GFM2: variants seen among roughly 807,000 people sequenced by gnomAD.
GFM2 encodes ribosome-releasing factor 2, mitochondrial.
GFM2 carries 72 observed loss-of-function variants against 95.4 expected under a neutral mutation model. The ratio of observed to expected loss-of-function variants is 0.76; its 90% confidence interval spans 0.62 to 0.92. The LOEUF (loss-of-function observed/expected upper bound fraction) is 0.92. Ranked by LOEUF, GFM2 falls within the 40% of genes least tolerant of loss-of-function variation. GFM2 has a pLI of 0.00. For missense variants in GFM2, 825 were observed against 924.1 expected (o/e 0.89, Z 1.39); for synonymous variants, 276 against 317.5 (o/e 0.87, Z 1.39).
chr5:74,758,744 G>C (rs1312275793), intron 5 of GFM2, 105 bp downstream of exon 5: 1 of 693,284 alleles, frequency 1.4e-6, no homozygotes, highest in East Asian at 2.6e-5. Flanking sequence ...GACATCAGTA[G>C]CTCTATGCCA....
In GFM2 at chr5:74,732,987, G is replaced by C. The variant is rs376372312; in HGVS notation, c.1587+35C>G. ...ACACACACACACACACACTCTTATA[G>C]AAAGGCTTCTGGAGTTTAGCAATAA... On this transcript the variant is annotated intron_variant, in intron 16 of 20. Transcript: ENST00000296805. The C allele has an allele frequency of 9.3e-5, 103 of 1,111,900 alleles. No individual in the cohort carries two copies. In the Middle Eastern group the frequency reaches 1.0e-3, roughly 11 times the overall value. The allele number at this position is 1,111,900 out of a possible 1,614,324, so 68.9% of individuals were successfully genotyped here.
chr5:74,724,400 G>C (rs1029570484), intron 19 of GFM2, among the ~76,000 whole-genome samples: 6 of 151,710 alleles, frequency 4.0e-5, no homozygotes, highest in African/African-American at 1.5e-4. Context: ...GGGTTTGGGA[G>C]GCCGAGGTTG....
chr5:74,755,809 C>T (rs77022185), intron 5 of GFM2, among the ~76,000 whole-genome samples: 1 of 152,142 alleles, frequency 6.6e-6, no homozygotes, highest in Non-Finnish European at 1.5e-5. Flanking sequence ...GGCACCAATT[C>T]TATTGATGCT....
chr5:74,723,940 T>G (rs1252786302), intron 19 of GFM2, among the ~76,000 whole-genome samples: 7 of 152,172 alleles, frequency 4.6e-5, no homozygotes, highest in Non-Finnish European at 7.3e-5. Context: ...TAGAGTAAAA[T>G]ATAATCCTAT....
At chr5:74,730,832 A>C (rs1164760307) in intron 16 of GFM2, 18 of 153,258 alleles carry the variant, frequency 1.2e-4, no homozygotes, top group Non-Finnish European at 2.6e-4. Flanking sequence ...ATTTATTTTG[A>C]GATGGAGTTT....
At position 74,721,522 on chromosome 5, in the gene GFM2, A is replaced by G. The variant is rs1749877462; in HGVS notation, c.*133T>C. 2.0e-6 allele frequency: 2 copies of G among 1,014,130 alleles called. No homozygotes were observed. Among genetic ancestry groups the G allele is most frequent in the African/African-American group, 1.6e-5 (1 of 61,552 alleles). 62.8% of individuals were successfully genotyped at this position (1,014,130 alleles called of 1,614,324 possible). On this transcript the variant is annotated 3_prime_UTR_variant, in exon 21 of 21. Transcript: ENST00000296805. ...CAGTGCCACTATCAAAGCTTAAGTTATATCTTTTATCTAGTTCTCTGAATG... is the reference window on the plus strand; with the variant it reads ...CAGTGCCACTATCAAAGCTTAAGTTGTATCTTTTATCTAGTTCTCTGAATG...
At chr5:74,751,120 G>C (rs1202508516) in intron 6 of GFM2, among the ~76,000 whole-genome samples, 1 of 152,062 alleles carries the variant, frequency 6.6e-6, no homozygotes, top group African/African-American at 2.4e-5. Context: ...GTGAAGGGAG[G>C]GGGCAAAAGG....
At chr5:74,746,323 T>C (rs533883315) in intron 8 of GFM2, among the ~76,000 whole-genome samples, 158 bp from the exon 9 acceptor site, 5 of 152,346 alleles carry the variant, frequency 3.3e-5, no homozygotes, top group Non-Finnish European at 7.3e-5. Context: ...CAGTTTTCCA[T>C]AGGAAAATGT....
At chr5:74,726,313 TTC>T (rs888532836) in intron 17 of GFM2, among the ~76,000 whole-genome samples, 187 bp from the exon 18 acceptor site, 4 of 152,200 alleles carry the variant, frequency 2.6e-5, no homozygotes, top group African/African-American at 9.6e-5. Flanking sequence ...AAGCATCTGC[TTC>T]TGTGTTGATC....
chr5:74,749,715 T>G (rs1008284548), intron 7 of GFM2, among the ~76,000 whole-genome samples: 1 of 152,366 alleles, frequency 6.6e-6, no homozygotes. Flanking sequence ...TTGTATAATA[T>G]GTTTATCTAA....
intron 2 of GFM2, among the ~76,000 whole-genome samples, chr5:74,762,250 A>G (rs1263788165): frequency 6.6e-6 from 1 of 152,206 alleles, no homozygotes; most frequent in African/African-American, 2.4e-5. Flanking sequence ...TCTCCCATAC[A>G]GCAGTCACAC....
intron 19 of GFM2, among the ~76,000 whole-genome samples, chr5:74,723,210 T>C (rs1358041592): frequency 4.6e-5 from 7 of 152,168 alleles, no homozygotes; most frequent in Non-Finnish European, 1.5e-5. Context: ...CTGTCAATAT[T>C]ACCTATCTGG....
Position 74,721,864 on chromosome 5 carries a change from T to TAGGGAA in GFM2, c.2212-87_2212-82dup, listed in dbSNP as rs748789747. The TAGGGAA allele has an allele frequency of 7.8e-5, 107 of 1,368,364 alleles. No individual in the cohort carries two copies. The Admixed American group carries it at 8.0e-4, about 10-fold the overall frequency. 84.8% of individuals were successfully genotyped at this position (1,368,364 alleles called of 1,614,324 possible). On this transcript the variant is annotated intron_variant, in intron 20 of 20. Coordinates refer to ENST00000296805, the MANE Select transcript of GFM2 (RefSeq NM_032380.5). Reference sequence around the variant, plus strand: ...TTCCTGCTGATTATCTTTTGACTATTAGGGAAAAGTGATGTTGCCACTTTT... The same window carrying TAGGGAA: ...TTCCTGCTGATTATCTTTTGACTATTAGGGAAAGGGAAAAGTGATGTTGCCACTTTT...
At chr5:74,751,628 C>T in intron 5 of GFM2, 135 bp from the exon 6 acceptor site, 1 of 558,906 alleles carries the variant, frequency 1.8e-6, no homozygotes. Flanking sequence ...AGAGCCTTTA[C>T]TCTTTCACTA....
chr5:74,764,740 T>C (rs1270649769), intron 1 of GFM2, among the ~76,000 whole-genome samples: 7 of 151,868 alleles, frequency 4.6e-5, no homozygotes, highest in Non-Finnish European at 4.4e-5. Flanking sequence ...ATACTTACAT[T>C]TGATTTCCTA....
chr5:74,742,833 A>AT (rs1743179644), intron 10 of GFM2, among the ~76,000 whole-genome samples: 3 of 151,908 alleles, frequency 2.0e-5, no homozygotes, highest in South Asian at 4.2e-4. Context: ...CGCCCAGCTA[A>AT]TTTTTTTGTA....
rs551394847 is a variant in GFM2 at position 74,742,591 on chromosome 5, C to T, written c.850-982G>A. On this transcript the variant is annotated intron_variant, in intron 10 of 20. Transcript: ENST00000296805. ...TCAATATTGGAAGTTGATTCTATTC[C>T]ACACTAATCTTATCCACTAATTTAA... Among the ~76,000 whole-genome samples, 5 of 152,150 alleles carry T rather than the reference C, an allele frequency of 3.3e-5. No individual in the cohort carries two copies. In the South Asian group the frequency reaches 8.3e-4, roughly 25 times the overall value.
chr5:74,747,073 C>T (rs1743424174), intron 8 of GFM2, among the ~76,000 whole-genome samples: 1 of 152,152 alleles, frequency 6.6e-6, no homozygotes, highest in African/African-American at 2.4e-5. Flanking sequence ...GATTCTCTCC[C>T]TTTCACATTT....
chr5:74,737,736 T>C (rs906934135), intron 14 of GFM2, among the ~76,000 whole-genome samples: 7 of 152,190 alleles, frequency 4.6e-5, no homozygotes, highest in Admixed American at 1.3e-4. Context: ...TGAGAAAATA[T>C]TTGATTTAAT....
Sources: allele counts gnomAD v4.1 joint callset (sites outside exome capture counted in the v4.1 genomes callset), GRCh38; gene constraint gnomAD v4.1.1; transcripts MANE v1.5; gene names NCBI Gene and HGNC (gene_info 2026-07-23, HGNC 2026-07-21).